Variants in EIF3E observed in about 807,000 individuals in gnomAD.
The protein encoded by EIF3E is eukaryotic translation initiation factor 3 subunit E.
A neutral mutation model predicts 59.3 loss-of-function variants in EIF3E; 25 were observed. The observed-to-expected ratio is 0.42, with a 90% CI of 0.31 to 0.59. The LOEUF (loss-of-function observed/expected upper bound fraction) is 0.59. Among genes scored for constraint, EIF3E ranks in the 20% least tolerant of loss-of-function variants. The pLI is 0.15. For missense variants in EIF3E, 317 were observed against 534.3 expected (o/e 0.59, Z 4.01); for synonymous variants, 176 against 170.2 (o/e 1.03, Z -0.26).
intron 6 of EIF3E, among the ~76,000 whole-genome samples, chr8:108,228,593 G>A (rs596245): frequency 0.5 from 76,196 of 151,804 alleles, 19,182 homozygotes; most frequent in African/African-American, 0.58. Context: ...CCTGTTCTTA[G>A]AGACAGATTC....
chr8:108,245,078 G>A (rs1815921105), intron 1 of EIF3E, among the ~76,000 whole-genome samples: 1 of 151,738 alleles, frequency 6.6e-6, no homozygotes, highest in African/African-American at 2.4e-5. Flanking sequence ...CAGTTTCTTA[G>A]TAACCATTTC....
chr8:108,202,515 T>C (rs1381019295), intron 12 of EIF3E, among the ~76,000 whole-genome samples: 12 of 152,022 alleles, frequency 7.9e-5, no homozygotes, highest in Non-Finnish European at 1.5e-5. Context: ...AAATGGGAGA[T>C]TAATTTTTGA....
intron 10 of EIF3E, among the ~76,000 whole-genome samples, chr8:108,211,884 C>T (rs1815216897): frequency 6.6e-6 from 1 of 152,196 alleles, no homozygotes; most frequent in African/African-American, 2.4e-5. Context: ...TTCTGAAACA[C>T]AGAGTTAAAG....
intron 10 of EIF3E, among the ~76,000 whole-genome samples, chr8:108,211,363 T>C (rs953855317): frequency 6.6e-5 from 10 of 152,192 alleles, no homozygotes; most frequent in Non-Finnish European, 1.3e-4. Flanking sequence ...ATGAGCATTT[T>C]TTCATATGTC....
At chr8:108,231,799 G>A (rs1177371889) in intron 5 of EIF3E, 1 of 151,678 alleles carries the variant, frequency 6.6e-6, no homozygotes, top group Non-Finnish European at 1.5e-5. Flanking sequence ...ACACCAAACA[G>A]AGTGTACCTG....
intron 5 of EIF3E, among the ~76,000 whole-genome samples, chr8:108,231,046 GTCTT>G (rs1483503390): frequency 1.3e-5 from 2 of 152,104 alleles, no homozygotes; most frequent in African/African-American, 2.4e-5. Context: ...AACAAAAAGG[GTCTT>G]TCTGAGGTGA....
chr8:108,229,184 T>C lies in EIF3E; in HGVS notation c.483A>G (p.Thr161=), dbSNP rs759017223. Residue 161 remains threonine (T), a synonymous_variant, in exon 6 of 13, where the codon ACA becomes ACG. Coordinates refer to ENST00000220849, the MANE Select transcript of EIF3E (RefSeq NM_001568.3). The part of the protein sequence containing the change: ...LYFFRVLVPA[T]DRNALSSLWG... ...AGAGTGAACTTAAAGCATTTCTATC[T>C]GTTGCTGGAACCTGTTTAAGAAATC... 23 of 1,612,418 alleles carry C rather than the reference T, an allele frequency of 1.4e-5. No homozygotes were observed. The highest frequency in any genetic ancestry group is 2.0e-5 in the Non-Finnish European group (23 of 1,179,340).
At chr8:108,224,625 T>C (rs1476527622) in intron 7 of EIF3E, among the ~76,000 whole-genome samples, 1 of 151,612 alleles carries the variant, frequency 6.6e-6, no homozygotes, top group African/African-American at 2.4e-5. Context: ...AGTACTTTTG[T>C]AAACAACTAA....
At chr8:108,203,644 T>C in intron 10 of EIF3E, 141 bp from the exon 11 acceptor site, 1 of 660,516 alleles carries the variant, frequency 1.5e-6, no homozygotes, top group East Asian at 2.8e-5. Flanking sequence ...TGACCCCTAC[T>C]GTCTGATTTG....
chr8:108,224,139 G>A (rs1221775450), intron 7 of EIF3E, among the ~76,000 whole-genome samples: 5 of 151,084 alleles, frequency 3.3e-5, no homozygotes, highest in South Asian at 4.1e-4. Context: ...GGAGAATGGC[G>A]TGAACTCGGG....
In EIF3E at chr8:108,203,440, A is replaced by T. The variant is rs775493799; in HGVS notation, c.1125T>A (p.Ile375=). 1 of 1,612,742 alleles carries T rather than the reference A, an allele frequency of 6.2e-7. No individual in the cohort carries two copies. Among genetic ancestry groups the T allele is most frequent in the East Asian group, 2.2e-5 (1 of 44,806 alleles). Residue 375 remains isoleucine, a synonymous_variant, in exon 11 of 13, where the codon ATT becomes ATA. Transcript: ENST00000220849. ...EEAERWIVNL[I]RNARLDAKID... ...TCTTGGCATCCAGTCTTGCATTTCT[A>T]ATCAAATTTACAATCCACCTTTCAG...
chr8:108,214,756 A>G, intron 9 of EIF3E, 40 bp from the exon 10 acceptor site: 1 of 1,535,118 alleles, frequency 6.5e-7, no homozygotes, highest in Non-Finnish European at 8.9e-7. Context: ...GATGCTGACA[A>G]GCAATTGCCT....
chr8:108,205,784 T>C (rs75993906), intron 10 of EIF3E, among the ~76,000 whole-genome samples: 2 of 35,222 alleles, frequency 5.7e-5, no homozygotes, highest in African/African-American at 4.1e-4. Flanking sequence ...AGGAACCATT[T>C]TTTACTTAGT....
intron 7 of EIF3E, 173 bp downstream of exon 7, chr8:108,228,094 T>G (rs1434907384): frequency 1.6e-6 from 1 of 619,184 alleles, no homozygotes; most frequent in East Asian, 3.2e-5. Context: ...TGTCAAATAG[T>G]TTACTTAAGA....
intron 1 of EIF3E, 56 bp from the exon 2 acceptor site, chr8:108,241,969 T>C: frequency 7.8e-7 from 1 of 1,287,444 alleles, no homozygotes; most frequent in African/African-American, 1.5e-5. Flanking sequence ...AATAAACTGA[T>C]TAATACTAAA....
At chr8:108,243,638 G>GAAAAAAAAAAAAAA (rs779684560) in intron 1 of EIF3E, among the ~76,000 whole-genome samples, 2 of 70,968 alleles carry the variant, frequency 2.8e-5, no homozygotes, top group Non-Finnish European at 5.6e-5. Context: ...CAAAAAAAAA[G>GAAAAAAAAAAAAAA]AAAAAAAAAA....
chr8:108,218,780 TTC>T (rs1425109622), intron 7 of EIF3E, among the ~76,000 whole-genome samples: 4 of 105,934 alleles, frequency 3.8e-5, no homozygotes, highest in African/African-American at 1.3e-4. Flanking sequence ...TTTATTTTAT[TTC>T]TTTTTTTTTT....
intron 1 of EIF3E, among the ~76,000 whole-genome samples, chr8:108,247,700 T>C (rs1156841712): frequency 2.0e-5 from 3 of 152,230 alleles, no homozygotes; most frequent in South Asian, 2.1e-4. Context: ...ACTTATATTG[T>C]AGTCTGCTTC....
At chr8:108,205,265 G>A (rs189356504) in intron 10 of EIF3E, among the ~76,000 whole-genome samples, 31 of 152,168 alleles carry the variant, frequency 2.0e-4, no homozygotes, top group African/African-American at 5.5e-4. Flanking sequence ...CAAAGTGCAC[G>A]CACCGTATCT....
Sources: gnomAD v4.1 joint callset for allele counts (sites outside exome capture counted in the v4.1 genomes callset) on GRCh38, gnomAD v4.1.1 for gene constraint, MANE v1.5 for transcripts, NCBI Gene and HGNC (gene_info 2026-07-23, HGNC 2026-07-21) for gene names.